SAMD4A: variants seen among roughly 807,000 people sequenced by gnomAD.
SAMD4A encodes protein Smaug homolog 1.
In SAMD4A, 33 loss-of-function variants were observed where a neutral mutation model predicts 81.3. The ratio of observed to expected loss-of-function variants is 0.41; its 90% CI spans 0.31 to 0.54. The LOEUF (loss-of-function observed/expected upper bound fraction) is 0.54. Ranked by LOEUF, SAMD4A falls within the 20% of genes least tolerant of loss-of-function variation. SAMD4A has a pLI of 0.37. For missense variants in SAMD4A, 854 were observed against 951.1 expected (o/e 0.90, Z 1.34); for synonymous variants, 389 against 382.1 (o/e 1.02, Z -0.21).
rs1566593223 is a variant in SAMD4A at position 54,702,156 on chromosome 14, GA to G, written c.294del (p.Val99Ter). ...PLLKPGNLDAKVEYMKLLPKI... is the reference protein window; with the variant it reads ...PLLKPGNLDAXVEYMKLLPKI... The stretch of plus-strand genomic sequence containing the variant: ...TGCTGAAGCCAGGAAACCTCGACGC[GA>G]AAGTAGAATATATGAAACTGCTGCC... On this transcript the variant is annotated frameshift_variant, in exon 3 of 13. Transcript: ENST00000554335. LOFTEE classifies it high-confidence loss of function. 1 of 1,614,114 alleles carries G rather than the reference GA, an allele frequency of 6.2e-7. No homozygotes were observed.
chr14:54,590,726 A>T (rs1311464528), intron 2 of SAMD4A, among the ~76,000 whole-genome samples: 4 of 152,096 alleles, frequency 2.6e-5, no homozygotes, highest in Non-Finnish European at 4.4e-5. Flanking sequence ...AAAAACCCAG[A>T]TGTGCTCCAC....
chr14:54,678,775 C>T (rs1271218378), intron 2 of SAMD4A, among the ~76,000 whole-genome samples: 2 of 152,228 alleles, frequency 1.3e-5, no homozygotes, highest in East Asian at 1.9e-4. Context: ...GTCTCGATCT[C>T]CTGACCTCGT....
chr14:54,636,617 T>C (rs1380314237), intron 2 of SAMD4A, among the ~76,000 whole-genome samples: 1 of 152,198 alleles, frequency 6.6e-6, no homozygotes. Flanking sequence ...GACAGCAGTG[T>C]AACTGGTGAA....
chr14:54,727,984 G>A (rs774913725), intron 3 of SAMD4A, among the ~76,000 whole-genome samples: 3 of 152,006 alleles, frequency 2.0e-5, no homozygotes, highest in Non-Finnish European at 2.9e-5. Flanking sequence ...TTGCTGCTGG[G>A]GTCTGTAGCT....
chr14:54,715,509 G>A (rs532300767), intron 3 of SAMD4A, among the ~76,000 whole-genome samples: 5 of 151,968 alleles, frequency 3.3e-5, no homozygotes, highest in South Asian at 4.2e-4. Context: ...AATCTAATAC[G>A]GTTTTGGTCC....
chr14:54,607,415 C>A (rs893377505), intron 2 of SAMD4A, among the ~76,000 whole-genome samples: 6 of 151,060 alleles, frequency 4.0e-5, no homozygotes, highest in Non-Finnish European at 8.8e-5. Context: ...CTTTGAGAGG[C>A]TGAAGAAGGT....
At chr14:54,778,197 A>C (rs917537802) in intron 11 of SAMD4A, among the ~76,000 whole-genome samples, 1 of 152,072 alleles carries the variant, frequency 6.6e-6, no homozygotes, top group African/African-American at 2.4e-5. Context: ...GCCAGTTCTC[A>C]GCCTTCCTCT....
intron 2 of SAMD4A, among the ~76,000 whole-genome samples, chr14:54,619,898 CA>C (rs2034575583): frequency 6.6e-6 from 1 of 152,128 alleles, no homozygotes; most frequent in African/African-American, 2.4e-5. Flanking sequence ...AAGACAAAAA[CA>C]GGGTCAGGTA....
At chr14:54,579,594 C>A (rs758553865) in intron 2 of SAMD4A, among the ~76,000 whole-genome samples, 19 of 152,094 alleles carry the variant, frequency 1.2e-4, no homozygotes, top group Non-Finnish European at 1.0e-4. Flanking sequence ...TTTAAATATT[C>A]CTCTTACTTA....
intron 2 of SAMD4A, among the ~76,000 whole-genome samples, chr14:54,670,659 G>A (rs551435287): frequency 1.3e-4 from 20 of 152,320 alleles, no homozygotes; most frequent in African/African-American, 3.4e-4. Context: ...TGCCTAGCAC[G>A]TGGTATGTGA....
At chr14:54,787,656 G>A (rs1487207337) in intron 12 of SAMD4A, among the ~76,000 whole-genome samples, 1 of 152,214 alleles carries the variant, frequency 6.6e-6, no homozygotes, top group African/African-American at 2.4e-5. Flanking sequence ...CACATTTAGT[G>A]GTCACTGAAC....
At chr14:54,688,487 G>A (rs2036338879) in intron 2 of SAMD4A, among the ~76,000 whole-genome samples, 1 of 152,136 alleles carries the variant, frequency 6.6e-6, no homozygotes, top group Non-Finnish European at 1.5e-5. Flanking sequence ...CACAGGCTTG[G>A]CCAGACTTTG....
Position 54,567,999 on chromosome 14 carries a change from C to G in SAMD4A, c.83C>G (p.Ser28Trp). The G allele has an allele frequency of 6.2e-7, 1 of 1,609,162 alleles. No individual in the cohort carries two copies. The highest frequency in any genetic ancestry group is 8.5e-7 in the Non-Finnish European group (1 of 1,179,592). ...TGCGAGCAGACTGTTGCGCTGCTGT[C>G]GCTGCTCAAGCGCGTGAGCCAGACC... ...NECEQTVALL[S>W]LLKRVSQTQA... Residue 28 changes from serine to tryptophan, a missense_variant, in exon 2 of 13, where the codon TCG (serine) becomes TGG (tryptophan). Around this residue, in one of 3 missense-constraint regions of SAMD4A, gnomAD observed 387 missense variants for 405.8 expected, o/e 0.95. Coordinates refer to ENST00000554335, the MANE Select transcript of SAMD4A (RefSeq NM_015589.6).
At chr14:54,786,338 G>A (rs905742567) in intron 12 of SAMD4A, among the ~76,000 whole-genome samples, 1 of 146,888 alleles carries the variant, frequency 6.8e-6, no homozygotes, top group African/African-American at 2.7e-5. Context: ...TGGCTGAAGG[G>A]AGGAGGATGC....
intron 2 of SAMD4A, among the ~76,000 whole-genome samples, chr14:54,688,755 T>C (rs2036347849): frequency 6.6e-6 from 1 of 152,116 alleles, no homozygotes; most frequent in Non-Finnish European, 1.5e-5. Context: ...TGGTAAGAAA[T>C]CATGGTTCCC....
intron 3 of SAMD4A, among the ~76,000 whole-genome samples, chr14:54,726,102 C>T (rs1401942020): frequency 6.6e-6 from 1 of 151,914 alleles, no homozygotes; most frequent in Non-Finnish European, 1.5e-5. Context: ...AATTTTTTAC[C>T]ATTTGTGAGT....
At chr14:54,699,337 G>A (rs1353016854) in intron 2 of SAMD4A, among the ~76,000 whole-genome samples, 8 of 152,182 alleles carry the variant, frequency 5.3e-5, no homozygotes, top group Non-Finnish European at 1.2e-4. Flanking sequence ...GAGTTGTCTT[G>A]TGTCAGGTGG....
At chr14:54,585,275 G>A (rs2140159805) in intron 2 of SAMD4A, among the ~76,000 whole-genome samples, 1 of 152,116 alleles carries the variant, frequency 6.6e-6, no homozygotes, top group East Asian at 1.9e-4. Flanking sequence ...CCTTACACTT[G>A]GACATTTAGG....
chr14:54,674,915 A>T lies in SAMD4A; in HGVS notation c.197-27147A>T, dbSNP rs914534249. Among the ~76,000 whole-genome samples the T allele has an allele frequency of 3.0e-4, 45 of 152,232 alleles. 1 individual carries two copies. In the East Asian group the frequency reaches 8.7e-3, roughly 29 times the overall value. On this transcript the variant is annotated intron_variant, in intron 2 of 12. Transcript: ENST00000554335. ...AGGCCCGTGCCATGATGCCCAGCGA[A>T]TTTTGAAATTTATTTTTTGTAGAGA... is the stretch of plus-strand genomic sequence containing the variant.
Sources: allele counts gnomAD v4.1 joint callset (sites outside exome capture counted in the v4.1 genomes callset), GRCh38; gene constraint gnomAD v4.1.1; regional missense constraint gnomAD v4.1.1; transcripts MANE v1.5; gene names NCBI Gene and HGNC (gene_info 2026-07-23, HGNC 2026-07-21).